The following KALRN variants were observed in gnomAD, a reference collection of about 807,000 sequenced individuals.
KALRN encodes the protein kalirin.
KALRN carries 70 observed loss-of-function variants against 353.7 expected under a neutral mutation model. That is an observed-to-expected ratio of 0.20 (90% CI 0.16 to 0.24). The LOEUF (loss-of-function observed/expected upper bound fraction) is 0.24. Among genes scored for constraint, KALRN ranks in the 10% least tolerant of loss-of-function variants. KALRN has a pLI of 1.00. For missense variants in KALRN, 2,791 were observed against 3,756.7 expected (o/e 0.74, Z 6.72); for synonymous variants, 1,391 against 1,434.8 (o/e 0.97, Z 0.69).
rs2063315502 is a variant in KALRN at position 124,719,769 on chromosome 3, T to C, written c.*299T>C. 1 of 262,058 alleles carries C rather than the reference T, an allele frequency of 3.8e-6. No individual in the cohort carries two copies. Among genetic ancestry groups the C allele is most frequent in the Non-Finnish European group, 7.3e-6 (1 of 136,618 alleles). 16.2% of individuals were successfully genotyped at this position (262,058 alleles called of 1,614,324 possible). A position where few individuals can be genotyped will look rare whatever the true frequency, so the allele number is the denominator to read the frequency against. On this transcript the variant is annotated 3_prime_UTR_variant, in exon 60 of 60. Coordinates refer to ENST00000682506, the MANE Select transcript of KALRN (RefSeq NM_001388419.1). The surrounding 1 kb of genome is among the most constrained non-coding windows in gnomAD (Gnocchi z 5.3). ...TAGCTGTTACGAAATTTTAACTGTA[T>C]CTTCCAAAATGAGTGGTTAACTGGG...
At chr3:124,138,346 G>A (rs1438041259) in intron 1 of KALRN, among the ~76,000 whole-genome samples, 3 of 152,140 alleles carry the variant, frequency 2.0e-5, no homozygotes, top group African/African-American at 7.2e-5. Context: ...AGGGGGAGGG[G>A]AGGCTCTCTG....
chr3:124,342,662 C>G, intron 9 of KALRN, among the ~76,000 whole-genome samples: 1 of 152,096 alleles, frequency 6.6e-6, no homozygotes, highest in East Asian at 1.9e-4. Flanking sequence ...TATTTTTAAG[C>G]CTTAGTGTAT....
intron 1 of KALRN, among the ~76,000 whole-genome samples, chr3:124,167,239 G>A (rs2071017852): frequency 6.6e-6 from 1 of 152,144 alleles, no homozygotes; most frequent in African/African-American, 2.4e-5. Flanking sequence ...TATGAAATTG[G>A]CTCCTGTTAA....
intron 33 of KALRN, among the ~76,000 whole-genome samples, chr3:124,532,941 A>G (rs1405588140): frequency 7.4e-6 from 1 of 134,858 alleles, no homozygotes; most frequent in African/African-American, 3.1e-5. Context: ...TTTTATGGGA[A>G]AAAAAAAAAA....
At chr3:124,438,405 A>C (rs2093553248) in intron 17 of KALRN, among the ~76,000 whole-genome samples, 1 of 152,122 alleles carries the variant, frequency 6.6e-6, no homozygotes, top group South Asian at 2.1e-4. Flanking sequence ...GGGAGGAAAA[A>C]GATGACATTC....
rs370026282 is a variant in KALRN at position 124,718,914 on chromosome 3, G to T, written c.8416-11G>T. ...CCCTTCTTTTCTCCCTGCTTCCTTGGATCTCTGCAGCCTGAAAACCTGCTC... is the reference window on the plus strand; with the variant it reads ...CCCTTCTTTTCTCCCTGCTTCCTTGTATCTCTGCAGCCTGAAAACCTGCTC... On this transcript the variant is annotated splice_polypyrimidine_tract_variant and intron_variant, in intron 59 of 59. Transcript: ENST00000682506. 1.1e-5 allele frequency: 18 copies of T among 1,611,636 alleles called. No homozygotes were observed. In the African/African-American group the frequency reaches 2.3e-4, roughly 20 times the overall value.
chr3:124,455,162 C>T lies in KALRN; in HGVS notation c.3553-15C>T, dbSNP rs767621771. The T allele has an allele frequency of 5.6e-6, 9 of 1,613,726 alleles. No individual in the cohort carries two copies. Among genetic ancestry groups the T allele is most frequent in the Non-Finnish European group, 7.6e-6 (9 of 1,179,766 alleles). On this transcript the variant is annotated splice_polypyrimidine_tract_variant and intron_variant, in intron 21 of 59. Transcript: ENST00000682506. ...TAAATGTAATCCAGTAACTTAAGGC[C>T]ATCTTTTGGGGCAGCAAACAAAGGA...
intron 34 of KALRN, among the ~76,000 whole-genome samples, chr3:124,579,000 G>T (rs1300244283): frequency 2.0e-5 from 3 of 152,218 alleles, no homozygotes; most frequent in Admixed American, 2.0e-4. Flanking sequence ...GGGCATGGTT[G>T]CTGTTCCTTC....
intron 10 of KALRN, among the ~76,000 whole-genome samples, chr3:124,363,591 A>G (rs140208499): frequency 6.2e-4 from 95 of 152,332 alleles, no homozygotes; most frequent in Middle Eastern, 3.4e-3. Flanking sequence ...AGTGGATGAG[A>G]TCATGTCTGG....
At chr3:124,661,694 C>T (rs1290655034) in intron 44 of KALRN, among the ~76,000 whole-genome samples, 157 bp from the exon 45 acceptor site, 1 of 152,192 alleles carries the variant, frequency 6.6e-6, no homozygotes, top group Non-Finnish European at 1.5e-5. Flanking sequence ...AACAGAAAGC[C>T]CCACACTCTC....
At chr3:124,286,369 C>T (rs921581276) in intron 5 of KALRN, among the ~76,000 whole-genome samples, 15 of 151,506 alleles carry the variant, frequency 9.9e-5, no homozygotes, top group African/African-American at 2.2e-4. Context: ...CTCAGCCTCC[C>T]GAGTAGCTAG....
chr3:124,479,426 A>G (rs2061740521), intron 27 of KALRN, among the ~76,000 whole-genome samples: 1 of 152,168 alleles, frequency 6.6e-6, no homozygotes, highest in Non-Finnish European at 1.5e-5. Flanking sequence ...TTTGCAGCTT[A>G]TTTTCATTCC....
chr3:124,209,719 A>G (rs2076742027), intron 1 of KALRN, among the ~76,000 whole-genome samples: 2 of 152,206 alleles, frequency 1.3e-5, no homozygotes, highest in Admixed American at 6.5e-5. Context: ...AAAATTCTAG[A>G]CTTGCAAACT....
chr3:124,306,854 T>A (rs1288946336), intron 6 of KALRN, among the ~76,000 whole-genome samples: 1 of 152,130 alleles, frequency 6.6e-6, no homozygotes, highest in East Asian at 1.9e-4. Context: ...TATTAAAAAG[T>A]GCTCAAAGGA....
intron 1 of KALRN, among the ~76,000 whole-genome samples, chr3:124,058,676 A>C (rs1434211480): frequency 2.0e-5 from 3 of 152,070 alleles, no homozygotes; most frequent in African/African-American, 7.2e-5. Flanking sequence ...TTTTTCTGGG[A>C]ATTTCTTACT....
intron 10 of KALRN, among the ~76,000 whole-genome samples, chr3:124,373,319 C>G (rs1196146146): frequency 2.6e-5 from 4 of 152,130 alleles, no homozygotes; most frequent in Non-Finnish European, 5.9e-5. Context: ...CTGACAGTAG[C>G]TGGGGACATT....
intron 9 of KALRN, among the ~76,000 whole-genome samples, chr3:124,345,953 C>T (rs1021983498): frequency 1.3e-5 from 2 of 152,192 alleles, no homozygotes; most frequent in African/African-American, 2.4e-5. Context: ...GTTAAACCAT[C>T]CTTTTAAATA....
intron 18 of KALRN, among the ~76,000 whole-genome samples, 191 bp downstream of exon 18, chr3:124,439,228 ACACACACACG>A (rs2093595031): frequency 2.0e-5 from 3 of 150,984 alleles, no homozygotes; most frequent in Admixed American, 6.6e-5. Flanking sequence ...ACACACACAC[ACACACACACG>A]CAGCTTCAAA....
In KALRN at chr3:124,679,839, A is replaced by G. The variant is rs116258522; in HGVS notation, c.7377+322A>G. On this transcript the variant is annotated intron_variant, in intron 51 of 59. Coordinates refer to ENST00000682506, the MANE Select transcript of KALRN (RefSeq NM_001388419.1). Reference sequence around the variant, plus strand: ...TTTGAAACTTAGAACACATTTTTTCATGGAAAACAGCACTGTAAAGAGTGG... The same window carrying G: ...TTTGAAACTTAGAACACATTTTTTCGTGGAAAACAGCACTGTAAAGAGTGG... 1,229 of 397,238 alleles carry G rather than the reference A, an allele frequency of 3.1e-3. 15 individuals are homozygous for G. The highest frequency in any genetic ancestry group is 0.023 in the African/African-American group (1,098 of 48,678). The allele number at this position is 397,238 out of a possible 1,614,324, so 24.6% of individuals were successfully genotyped here. A position where few individuals can be genotyped will look rare whatever the true frequency, so the allele number is the denominator to read the frequency against.
Sources: allele counts gnomAD v4.1 joint callset (sites outside exome capture counted in the v4.1 genomes callset), GRCh38; gene constraint gnomAD v4.1.1; non-coding constraint Gnocchi (gnomAD v3.1); transcripts MANE v1.5; gene names NCBI Gene and HGNC (gene_info 2026-07-23, HGNC 2026-07-21).